Variants in PRRG1 observed in about 807,000 individuals in gnomAD.
PRRG1 encodes proline rich and Gla domain 1, also known as transmembrane gamma-carboxyglutamic acid protein 1.
Under a neutral mutation model 11.8 loss-of-function variants are expected in PRRG1, and 5 were observed. The observed-to-expected ratio is 0.42, with a 90% CI of 0.22 to 0.89. The LOEUF is 0.89. Among genes scored for constraint, PRRG1 ranks in the 40% least tolerant of loss-of-function variants. PRRG1 has a pLI of 0.28. For missense variants in PRRG1, 155 were observed against 166.1 expected (o/e 0.93, Z 0.37); for synonymous variants, 66 against 60.4 (o/e 1.09, Z -0.43).
intron 1 of PRRG1, among the ~76,000 whole-genome samples, chrX:37,360,627 C>T (rs1316919707): frequency 8.9e-6 from 1 of 112,282 alleles, no homozygotes; most frequent in African/African-American, 3.2e-5. Flanking sequence ...GTGTAATTTT[C>T]TGTTGTTGGA....
chrX:37,447,596 A>G (rs1933100125), intron 3 of PRRG1, among the ~76,000 whole-genome samples: 1 of 112,632 alleles, frequency 8.9e-6, no homozygotes, highest in South Asian at 3.7e-4. Context: ...TCTTCTGGAA[A>G]GAAATGGTTA....
intron 2 of PRRG1, among the ~76,000 whole-genome samples, chrX:37,421,748 T>A (rs1932666139): frequency 8.9e-6 from 1 of 112,417 alleles, no homozygotes; most frequent in South Asian, 3.7e-4. Context: ...ATAATCTAGT[T>A]CTGGTATCAT....
At chrX:37,437,936 AT>A (rs72218316) in intron 3 of PRRG1, among the ~76,000 whole-genome samples, 13,693 of 107,132 alleles carry the variant, frequency 0.13, 988 homozygotes, top group African/African-American at 0.26. Flanking sequence ...AGAAAATACC[AT>A]TTTTTTTTTC....
intron 1 of PRRG1, among the ~76,000 whole-genome samples, chrX:37,400,017 C>G (rs1556379725): frequency 9.0e-6 from 1 of 111,163 alleles, no homozygotes; most frequent in East Asian, 2.8e-4. Flanking sequence ...ACTTACACTC[C>G]CACACAATAA....
At chrX:37,379,329 TG>T (rs1327312856) in intron 1 of PRRG1, among the ~76,000 whole-genome samples, 4 of 110,162 alleles carry the variant, frequency 3.6e-5, no homozygotes, top group Admixed American at 2.9e-4. Context: ...TGTCTATTCC[TG>T]GTATATATAT....
chrX:37,386,135 A>G (rs1288478866), intron 1 of PRRG1, among the ~76,000 whole-genome samples: 1 of 112,359 alleles, frequency 8.9e-6, no homozygotes, highest in Non-Finnish European at 1.9e-5. Flanking sequence ...AGGCTACAAA[A>G]TAACCTCACA....
chrX:37,375,199 C>G (rs191196854), intron 1 of PRRG1, among the ~76,000 whole-genome samples: 1 of 111,098 alleles, frequency 9.0e-6, no homozygotes, highest in East Asian at 2.8e-4. Flanking sequence ...ATGATTGGGT[C>G]TCAATCTTTT....
chrX:37,366,999 A>T (rs1232630861), intron 1 of PRRG1, among the ~76,000 whole-genome samples: 2 of 111,485 alleles, frequency 1.8e-5, no homozygotes, highest in Non-Finnish European at 3.8e-5. Context: ...GTTTGGGCCT[A>T]CTCAGAATGG....
At chrX:37,377,812 C>T (rs368508091) in intron 1 of PRRG1, among the ~76,000 whole-genome samples, 2 of 111,803 alleles carry the variant, frequency 1.8e-5, no homozygotes, top group East Asian at 5.6e-4. Flanking sequence ...ATCTGCCCTA[C>T]GTCTCCATTT....
At position 37,453,360 on chromosome X, in the gene PRRG1, C is replaced by A. The variant is rs782500562; in HGVS notation, c.396C>A (p.Pro132=). ...AGCACCTTAATATTATCACCCCACC[C>A]CCCCCACCAGATGAAGTGTTTGACA... ...FPQHLNIITP[P]PPPDEVFDSS... The change falls in exon 4 of 4, where the codon CCC becomes CCA. Residue 132 remains proline, a synonymous_variant. Coordinates refer to ENST00000378628, the MANE Select transcript of PRRG1 (RefSeq NM_001142395.2). 5.8e-6 allele frequency: 7 copies of A among 1,208,542 alleles called. No individual in the cohort carries two copies. Among genetic ancestry groups the A allele is most frequent in the Middle Eastern group, 2.3e-4 (1 of 4,348 alleles).
At chrX:37,372,620 G>A (rs782025611) in intron 1 of PRRG1, among the ~76,000 whole-genome samples, 2 of 112,358 alleles carry the variant, frequency 1.8e-5, no homozygotes, top group South Asian at 3.7e-4. Context: ...GGCTAACTTC[G>A]CCCATTTTTA....
At chrX:37,447,069 TATTAAATATA>T (rs1933091137) in intron 3 of PRRG1, among the ~76,000 whole-genome samples, 1 of 111,967 alleles carries the variant, frequency 8.9e-6, no homozygotes, top group Admixed American at 9.5e-5. Context: ...AAAATAATTG[TATTAAATATA>T]ACAAAACATA....
Position 37,369,718 on chromosome X carries a change from A to G in PRRG1, c.-42+20323A>G, listed in dbSNP as rs782348778. Among the ~76,000 whole-genome samples the G allele has an allele frequency of 3.6e-5, 4 of 111,021 alleles. No individual in the cohort carries two copies. In the East Asian group the frequency reaches 8.5e-4, roughly 24 times the overall value. The stretch of plus-strand genomic sequence containing the variant: ...TTGAATTGTAGCTCCCATAATCCCC[A>G]CGTGTCATAGGAGGGACCTGGTGGG... On this transcript the variant is annotated intron_variant, in intron 1 of 3. Coordinates refer to ENST00000378628, the MANE Select transcript of PRRG1 (RefSeq NM_001142395.2).
At chrX:37,411,970 G>C (rs1345634785) in intron 2 of PRRG1, among the ~76,000 whole-genome samples, 1 of 111,065 alleles carries the variant, frequency 9.0e-6, no homozygotes, top group Admixed American at 9.6e-5. Context: ...TCCTCTTCCA[G>C]TATTTAGTCT....
At chrX:37,407,924 C>G (rs782200870) in intron 2 of PRRG1, among the ~76,000 whole-genome samples, 3 of 111,912 alleles carry the variant, frequency 2.7e-5, no homozygotes, top group Non-Finnish European at 3.8e-5. Flanking sequence ...CTTCTTGAAT[C>G]TTGCTGAATC....
chrX:37,433,580 A>C (rs1556391156), intron 3 of PRRG1, among the ~76,000 whole-genome samples: 1 of 105,685 alleles, frequency 9.5e-6, no homozygotes, highest in Non-Finnish European at 2.0e-5. Flanking sequence ...TTTTTTTTTT[A>C]ATTGTTACCT....
intron 1 of PRRG1, among the ~76,000 whole-genome samples, chrX:37,354,400 T>A (rs181574192): frequency 1.0e-3 from 112 of 107,555 alleles, no homozygotes; most frequent in African/African-American, 2.2e-3. Context: ...TTTTTATTTT[T>A]TTTTTTTATT....
chrX:37,373,341 A>G lies in PRRG1; in HGVS notation c.-42+23946A>G, dbSNP rs182584504. ...TCTATTTCTGTGAAAAATGTCATTG[A>G]AATTTTGATAGGGATTCCATTGAAT... On this transcript the variant is annotated intron_variant, in intron 1 of 3. Coordinates refer to ENST00000378628, the MANE Select transcript of PRRG1 (RefSeq NM_001142395.2). 1.7e-3 allele frequency among the ~76,000 whole-genome samples: 194 copies of G among 112,085 alleles called. 1 individual carries two copies. Among genetic ancestry groups the G allele is most frequent in the Non-Finnish European group, 3.2e-3 (171 of 53,162 alleles).
At chrX:37,362,890 C>A (rs782328835) in intron 1 of PRRG1, among the ~76,000 whole-genome samples, 4 of 111,397 alleles carry the variant, frequency 3.6e-5, no homozygotes, top group Non-Finnish European at 7.5e-5. Flanking sequence ...TTGTTTTTTC[C>A]TCTGCGACCC....
Sources: allele counts gnomAD v4.1 joint callset (sites outside exome capture counted in the v4.1 genomes callset), GRCh38; gene constraint gnomAD v4.1.1; transcripts MANE v1.5; gene names NCBI Gene and HGNC (gene_info 2026-07-23, HGNC 2026-07-21).